Variants in TENM3 observed in about 807,000 individuals in gnomAD.
TENM3 encodes teneurin transmembrane protein 3, also known as teneurin-3.
A neutral mutation model predicts 255.1 loss-of-function variants in TENM3; 63 were observed. The observed-to-expected ratio is 0.25, with a 90% CI of 0.20 to 0.30. TENM3 has a LOEUF of 0.30. Ranked by LOEUF, TENM3 falls within the 10% of genes least tolerant of loss-of-function variation. The pLI is 1.00. For missense variants in TENM3, 2,929 were observed against 3,461.1 expected (o/e 0.85, Z 3.86); for synonymous variants, 1,306 against 1,322.3 (o/e 0.99, Z 0.27).
the TENM3 span, among the ~76,000 whole-genome samples, chr4:182,039,406 T>C: frequency 6.6e-6 from 1 of 152,154 alleles, no homozygotes; most frequent in African/African-American, 2.4e-5. Flanking sequence ...GGTTCATCTC[T>C]AGCAGTTGTT....
the TENM3 span, among the ~76,000 whole-genome samples, chr4:181,972,046 A>G: frequency 6.6e-6 from 1 of 151,548 alleles, no homozygotes; most frequent in Non-Finnish European, 1.5e-5. Context: ...TCTTCATGCT[A>G]CAGAGGAAAT....
the TENM3 span, among the ~76,000 whole-genome samples, chr4:181,767,251 C>CAAA: frequency 1.1e-3 from 86 of 75,574 alleles, no homozygotes; most frequent in Middle Eastern, 9.1e-3. Context: ...GACTCCGTCT[C>CAAA]AAAAAAAAAA....
chr4:181,604,050 G>A, the TENM3 span, among the ~76,000 whole-genome samples: 1 of 152,106 alleles, frequency 6.6e-6, no homozygotes, highest in Non-Finnish European at 1.5e-5. Context: ...GGATCACGAC[G>A]TCAAGACATC....
chr4:181,933,566 A>T, the TENM3 span, among the ~76,000 whole-genome samples: 1 of 152,194 alleles, frequency 6.6e-6, no homozygotes, highest in African/African-American at 2.4e-5. Flanking sequence ...GACTGTGGCC[A>T]TTTCAAGCAA....
intron 22 of TENM3, among the ~76,000 whole-genome samples, chr4:182,764,478 C>G (rs969634282): frequency 1.3e-5 from 2 of 152,158 alleles, no homozygotes; most frequent in African/African-American, 2.4e-5. Context: ...GGAGGATCAT[C>G]TAAATCCGAT....
the TENM3 span, among the ~76,000 whole-genome samples, chr4:182,066,710 A>T: frequency 9.9e-5 from 15 of 151,618 alleles, no homozygotes; most frequent in Non-Finnish European, 2.2e-4. Flanking sequence ...GGAGATCGAG[A>T]CCGTCCTGGC....
chr4:181,700,174 C>A, the TENM3 span, among the ~76,000 whole-genome samples: 7 of 151,958 alleles, frequency 4.6e-5, no homozygotes, highest in African/African-American at 1.7e-4. Context: ...ATGAAAATTG[C>A]CTCCTTGAAG....
chr4:181,707,028 G>A, the TENM3 span, among the ~76,000 whole-genome samples: 1 of 152,180 alleles, frequency 6.6e-6, no homozygotes, highest in East Asian at 1.9e-4. Context: ...AGAATCTGAT[G>A]GAAGTACTAG....
At chr4:182,784,309 T>A (rs1020404433) in intron 24 of TENM3, among the ~76,000 whole-genome samples, 1 of 152,058 alleles carries the variant, frequency 6.6e-6, no homozygotes, top group South Asian at 2.1e-4. Context: ...TGGAATACCC[T>A]GCCGTGTGAG....
At chr4:181,639,809 A>G in the TENM3 span, among the ~76,000 whole-genome samples, 39 of 151,924 alleles carry the variant, frequency 2.6e-4, no homozygotes, top group South Asian at 3.1e-3. Flanking sequence ...GACACTACAC[A>G]CTCCTGATTT....
chr4:181,614,688 AATGCACAGTAG>A, the TENM3 span, among the ~76,000 whole-genome samples: 3 of 152,196 alleles, frequency 2.0e-5, no homozygotes, highest in African/African-American at 7.2e-5. Context: ...ATGTCATCAA[AATGCACAGTAG>A]ATACCTCCCA....
At chr4:182,518,940 G>A (rs1042658634) in intron 3 of TENM3, among the ~76,000 whole-genome samples, 1 of 152,086 alleles carries the variant, frequency 6.6e-6, no homozygotes, top group African/African-American at 2.4e-5. Flanking sequence ...CTGTGTACGG[G>A]GCATATACTG....
chr4:182,111,015 G>A, the TENM3 span, among the ~76,000 whole-genome samples: 1 of 152,100 alleles, frequency 6.6e-6, no homozygotes, highest in East Asian at 1.9e-4. Context: ...ATGCTTCCAT[G>A]TAAGTTTTTG....
intron 3 of TENM3, among the ~76,000 whole-genome samples, chr4:182,409,972 G>A (rs1286737160): frequency 6.6e-6 from 1 of 151,936 alleles, no homozygotes; most frequent in Non-Finnish European, 1.5e-5. Flanking sequence ...TGGCTGCAGA[G>A]TAGCCATCAT....
chr4:182,021,618 G>T, the TENM3 span, among the ~76,000 whole-genome samples: 1 of 152,166 alleles, frequency 6.6e-6, no homozygotes, highest in Non-Finnish European at 1.5e-5. Flanking sequence ...TGGTTTAAAG[G>T]TCCTCTAGAC....
At chr4:181,478,420 C>T in the TENM3 span, among the ~76,000 whole-genome samples, 2 of 152,168 alleles carry the variant, frequency 1.3e-5, no homozygotes, top group African/African-American at 4.8e-5. Flanking sequence ...GCCTAAGACA[C>T]CTAGGAACTC....
chr4:181,576,682 C>A, the TENM3 span, among the ~76,000 whole-genome samples: 3 of 152,008 alleles, frequency 2.0e-5, no homozygotes, highest in Non-Finnish European at 4.4e-5. Flanking sequence ...GGAAAGTCAC[C>A]CACAGAAAAC....
intron 3 of TENM3, among the ~76,000 whole-genome samples, chr4:182,362,714 C>A (rs540878986): frequency 3.2e-4 from 49 of 152,252 alleles, no homozygotes; most frequent in Admixed American, 2.2e-3. Context: ...GGCTCGCACA[C>A]GGTGCACGCA....
At chr4:181,612,072 A>G in the TENM3 span, among the ~76,000 whole-genome samples, 7 of 152,168 alleles carry the variant, frequency 4.6e-5, no homozygotes, top group Non-Finnish European at 8.8e-5. Context: ...CTTCTCAGGG[A>G]TCTCGTGTTC....
Sources: allele counts gnomAD v4.1 joint callset (sites outside exome capture counted in the v4.1 genomes callset), GRCh38; gene constraint gnomAD v4.1.1; transcripts MANE v1.5; gene names NCBI Gene and HGNC (gene_info 2026-07-23, HGNC 2026-07-21).